Variants in TARS3 observed in about 807,000 individuals in gnomAD.
The protein encoded by TARS3 is threonyl-tRNA synthetase 3.
A neutral mutation model predicts 103.5 loss-of-function variants in TARS3; 94 were observed. The observed-to-expected ratio is 0.91, with a 90% CI of 0.77 to 1.08. The LOEUF (loss-of-function observed/expected upper bound fraction) is 1.08, where lower values mean the gene tolerates loss of function less well. Among genes scored for constraint, TARS3 ranks in the 50% least tolerant of loss-of-function variants. The pLI, the probability that TARS3 is intolerant of heterozygous loss-of-function variation, is 0.00. For missense variants in TARS3, 952 were observed against 995.2 expected, an observed-to-expected ratio of 0.96 and a Z score of 0.58; for synonymous variants, 416 against 355.4, an observed-to-expected ratio of 1.17 and a Z score of -1.92.
At chr15:101,660,813 T>C (rs536364383) in intron 16 of TARS3, among the ~76,000 whole-genome samples, 33 of 152,286 alleles carry the variant, frequency 2.2e-4, no homozygotes, top group African/African-American at 1.7e-4. Context: ...CCATGAGCCA[T>C]TGAGCAACAA....
chr15:101,707,563 G>C (rs888160851), intron 6 of TARS3, among the ~76,000 whole-genome samples: 1 of 152,168 alleles, frequency 6.6e-6, no homozygotes, highest in Non-Finnish European at 1.5e-5. Context: ...GATGAATCTT[G>C]AGGACTTTTT....
chr15:101,654,837 A>AGATGATATTT, intron 18 of TARS3, 107 bp from the exon 19 acceptor site: 1 of 1,016,218 alleles, frequency 9.8e-7, no homozygotes, highest in Non-Finnish European at 1.5e-6. Flanking sequence ...CACTAATATT[A>AGATGATATTT]AATATCATCT....
At chr15:101,661,572 G>A (rs1321033674) in intron 16 of TARS3, 140 bp downstream of exon 16, 16 of 529,224 alleles carry the variant, frequency 3.0e-5, no homozygotes, top group Non-Finnish European at 4.3e-5. Flanking sequence ...GGCAGGAAAG[G>A]CCCTTTCTTT....
intron 16 of TARS3, among the ~76,000 whole-genome samples, chr15:101,659,539 T>G (rs1897302643): frequency 6.6e-6 from 1 of 152,146 alleles, no homozygotes; most frequent in South Asian, 2.1e-4. Flanking sequence ...GGGAGTATAC[T>G]TCCGTCTCTG....
intron 15 of TARS3, among the ~76,000 whole-genome samples, chr15:101,667,751 ATTTTTG>A (rs1897639273): frequency 6.6e-6 from 1 of 151,294 alleles, no homozygotes; most frequent in Admixed American, 6.6e-5. Flanking sequence ...TTTTATTTTT[ATTTTTG>A]TATTTTTAGT....
Position 101,684,187 on chromosome 15 carries a change from A to G in TARS3, c.1538T>C (p.Phe513Ser). ...PRSWREMPIR[F>S]ADFGVLHRNE... Reference sequence around the variant, plus strand: ...TCTATGCAGAACTCCAAAATCAGCAAATCTAATAGGCATTTCCCTCCAAGA... The same window carrying G: ...TCTATGCAGAACTCCAAAATCAGCAGATCTAATAGGCATTTCCCTCCAAGA... The change falls in exon 12 of 19, where the codon TTT (phenylalanine) becomes TCT (serine). Residue 513 changes from phenylalanine (F) to serine (S), a missense_variant. Phe to Ser is a radical substitution (Grantham distance 155, BLOSUM62 -2). This residue lies in a region of TARS3 where 540 missense variants were observed against 631.0 expected (regional missense o/e 0.86). Coordinates refer to ENST00000335968, the MANE Select transcript of TARS3 (RefSeq NM_152334.3). 6.2e-7 allele frequency: 1 copy of G among 1,614,128 alleles called. No individual in the cohort carries two copies.
rs770890151 is a variant in TARS3, at chr15:101,671,472, A to C, written c.1967+14T>G. 13 of 1,573,766 alleles carry C rather than the reference A, an allele frequency of 8.3e-6. No homozygotes were observed. Among genetic ancestry groups the C allele is most frequent in the South Asian group, 7.9e-5 (7 of 88,316 alleles). On this transcript the variant is annotated intron_variant, in intron 15 of 18. Coordinates refer to ENST00000335968, the MANE Select transcript of TARS3 (RefSeq NM_152334.3). ...ATATTAGTACTATAATATTTATCACATTCAATCACTCACCTAACATATGTG... is the reference window on the plus strand; with the variant it reads ...ATATTAGTACTATAATATTTATCACCTTCAATCACTCACCTAACATATGTG...
At chr15:101,662,964 A>G (rs1897438741) in intron 15 of TARS3, among the ~76,000 whole-genome samples, 1 of 152,254 alleles carries the variant, frequency 6.6e-6, no homozygotes, top group South Asian at 2.1e-4. Flanking sequence ...CAATTATATT[A>G]GATTAATAGA....
chr15:101,664,950 A>G (rs1897522910), intron 15 of TARS3, among the ~76,000 whole-genome samples: 1 of 152,258 alleles, frequency 6.6e-6, no homozygotes, highest in Admixed American at 6.5e-5. Context: ...ACTGAAAACT[A>G]CAATCACAGA....
At chr15:101,674,274 T>C (rs1353040314) in intron 13 of TARS3, among the ~76,000 whole-genome samples, 3 of 151,852 alleles carry the variant, frequency 2.0e-5, no homozygotes, top group Admixed American at 6.6e-5. Flanking sequence ...AGCACAAGAG[T>C]TGTGTTACTA....
chr15:101,684,935 G>A (rs1340607700), intron 11 of TARS3, among the ~76,000 whole-genome samples: 1 of 152,208 alleles, frequency 6.6e-6, no homozygotes, highest in Non-Finnish European at 1.5e-5. Flanking sequence ...TTGAGAAGAT[G>A]AGTTAAGAAA....
intron 5 of TARS3, 115 bp from the exon 6 acceptor site, chr15:101,709,025 G>C (rs762644249): frequency 1.5e-6 from 1 of 686,250 alleles, no homozygotes; most frequent in Non-Finnish European, 2.4e-6. Context: ...TATTGTTCCA[G>C]GACTTCAGAA....
Position 101,685,983 on chromosome 15 carries a change from T to C in TARS3, c.1400A>G (p.His467Arg). ...YNSKLWEASG[H>R]WQHYSENMFT... ...CATGTTCTCGCTGTAATGCTGCCAGTGGCCTGAGGCTTCCCAGAGTTTACT... is the reference window on the plus strand; with the variant it reads ...CATGTTCTCGCTGTAATGCTGCCAGCGGCCTGAGGCTTCCCAGAGTTTACT... Residue 467 changes from histidine (H) to arginine (R), a missense_variant, in exon 11 of 19, where the codon CAC becomes CGC. Around this residue, in one of 2 missense-constraint regions of TARS3, gnomAD observed 540 missense variants for 631.0 expected, o/e 0.86. Transcript: ENST00000335968. 1.9e-6 allele frequency: 3 copies of C among 1,614,110 alleles called. No individual in the cohort carries two copies. The highest frequency in any genetic ancestry group is 1.7e-6 in the Non-Finnish European group (2 of 1,179,952).
intron 10 of TARS3, among the ~76,000 whole-genome samples, chr15:101,693,120 T>C (rs1459976388): frequency 1.3e-5 from 2 of 152,234 alleles, no homozygotes; most frequent in Non-Finnish European, 2.9e-5. Context: ...TGCAAAACAG[T>C]AGTCATTTTG....
chr15:101,656,952 C>T lies in TARS3; in HGVS notation c.2230G>A (p.Ala744Thr). 6.2e-7 allele frequency: 1 copy of T among 1,612,494 alleles called. No individual in the cohort carries two copies. The highest frequency in any genetic ancestry group is 1.7e-4 in the Middle Eastern group (1 of 6,056). The change falls in exon 18 of 19, where the codon GCA (alanine) becomes ACA (threonine). Residue 744 changes from alanine (A) to threonine (T), a missense_variant. Physicochemically the swap from Ala to Thr is moderately conservative, Grantham distance 58. Transcript: ENST00000335968. Reference sequence around the variant, plus strand: ...ATAAAATTATACTGAGCCAGCTGTGCATTTCGTATTTTCTTATTTAGTGTA... The same window carrying T: ...ATAAAATTATACTGAGCCAGCTGTGTATTTCGTATTTTCTTATTTAGTGTA... ...SCTLNKKIRN[A>T]QLAQYNFILV...
At chr15:101,718,003 A>G (rs900164763) in intron 3 of TARS3, among the ~76,000 whole-genome samples, 1 of 152,236 alleles carries the variant, frequency 6.6e-6, no homozygotes, top group Non-Finnish European at 1.5e-5. Context: ...ATAGTATATC[A>G]AAATATTTGA....
chr15:101,679,844 T>C (rs757355281), intron 12 of TARS3, among the ~76,000 whole-genome samples: 10 of 152,204 alleles, frequency 6.6e-5, no homozygotes, highest in Non-Finnish European at 1.5e-4. Flanking sequence ...AAGCTCCTTT[T>C]AGAAAGGAAG....
chr15:101,654,672 TTTG>T lies in TARS3; in HGVS notation c.2316_2318del (p.Asn772del), dbSNP rs1235332911. 5 of 1,614,166 alleles carry T rather than the reference TTTG, an allele frequency of 3.1e-6. No homozygotes were observed. In the South Asian group the frequency reaches 3.3e-5, roughly 11 times the overall value. ...AAGTTACTAAAATCTCTCCATGAAT[TTTG>T]TTGTCTCTTGTTCGCACGTTTACAG... On this transcript the variant is annotated inframe_deletion, in exon 19 of 19. Transcript: ENST00000335968.
At chr15:101,713,788 C>T (rs559327403) in intron 4 of TARS3, among the ~76,000 whole-genome samples, 1 of 152,146 alleles carries the variant, frequency 6.6e-6, no homozygotes, top group Non-Finnish European at 1.5e-5. Flanking sequence ...ATCACGTAGA[C>T]AGTAGTGCAT....
Sources: allele counts gnomAD v4.1 joint callset (sites outside exome capture counted in the v4.1 genomes callset), GRCh38; gene constraint gnomAD v4.1.1; regional missense constraint gnomAD v4.1.1; transcripts MANE v1.5; gene names NCBI Gene and HGNC (gene_info 2026-07-23, HGNC 2026-07-21).